The following CDH17 variants were observed in gnomAD, a reference collection of about 807,000 sequenced individuals.
CDH17 encodes the protein cadherin 17, also known as cadherin-17.
CDH17 carries 67 observed loss-of-function variants against 86.3 expected under a neutral mutation model. That is an observed-to-expected ratio of 0.78 (90% CI 0.64 to 0.95). The LOEUF (loss-of-function observed/expected upper bound fraction) is 0.95. CDH17 is among the 40% of genes least tolerant of loss of function. The probability of loss-of-function intolerance (pLI) is 0.00; values close to 1 mark genes in which losing one functional copy is unlikely to be tolerated. For missense variants in CDH17, 993 were observed against 1,017.6 expected (o/e 0.98, Z 0.33); for synonymous variants, 367 against 366.4 (o/e 1.00, Z -0.02).
At chr8:94,206,024 A>T (rs987793707) in intron 1 of CDH17, among the ~76,000 whole-genome samples, 1 of 152,238 alleles carries the variant, frequency 6.6e-6, no homozygotes, top group Non-Finnish European at 1.5e-5. Context: ...AGTAATAAGT[A>T]TATGGTCAAA....
chr8:94,139,893 A>T (rs11776690), intron 15 of CDH17, among the ~76,000 whole-genome samples: 1 of 122,344 alleles, frequency 8.2e-6, no homozygotes, highest in East Asian at 2.2e-4. Flanking sequence ...TCCAAAAAAT[A>T]AAAAATAAAT....
At chr8:94,208,053 GAGA>G (rs2129663291) in intron 1 of CDH17, among the ~76,000 whole-genome samples, 1 of 152,260 alleles carries the variant, frequency 6.6e-6, no homozygotes, top group East Asian at 1.9e-4. Context: ...CTCATTCTCT[GAGA>G]AGTAGATAGA....
At chr8:94,159,883 A>G (rs184473306) in intron 12 of CDH17, 88 bp downstream of exon 12, 1 of 961,158 alleles carries the variant, frequency 1.0e-6, no homozygotes, top group African/African-American at 1.7e-5. Flanking sequence ...CTGCTAATAC[A>G]TCACCTCTGC....
chr8:94,168,108 ATATATATATATATATATATATATAT>A (rs1191090051), intron 9 of CDH17, among the ~76,000 whole-genome samples: 1 of 10,474 alleles, frequency 9.5e-5, no homozygotes, highest in African/African-American at 3.0e-4. Flanking sequence ...ATATATATAT[ATATATATATATATATATATATATAT>A]ATATATATAT....
chr8:94,181,117 A>G lies in CDH17; in HGVS notation c.151-3396T>C, dbSNP rs544102010. Among the ~76,000 whole-genome samples the G allele has an allele frequency of 3.3e-5, 5 of 152,306 alleles. No individual in the cohort carries two copies. The South Asian group carries it at 1.0e-3, about 32-fold the overall frequency. ...AAAATGGGATATTCTATAATGATATAAGGGTCAATCCATCAAGAAACCATA... is the reference window on the plus strand; with the variant it reads ...AAAATGGGATATTCTATAATGATATGAGGGTCAATCCATCAAGAAACCATA... On this transcript the variant is annotated intron_variant, in intron 3 of 17. Transcript: ENST00000027335.
intron 15 of CDH17, among the ~76,000 whole-genome samples, chr8:94,133,851 A>G (rs1812468096): frequency 6.6e-6 from 1 of 152,080 alleles, no homozygotes; most frequent in Admixed American, 6.5e-5. Flanking sequence ...TACTTTATTG[A>G]GAGTTTTTAG....
chr8:94,134,910 C>A (rs927085515), intron 15 of CDH17, among the ~76,000 whole-genome samples: 1 of 152,128 alleles, frequency 6.6e-6, no homozygotes, highest in Non-Finnish European at 1.5e-5. Flanking sequence ...GCCTTCATTT[C>A]GTTATTTATC....
upstream of CDH17, among the ~76,000 whole-genome samples, chr8:94,209,726 T>C (rs1016294726): frequency 6.6e-6 from 1 of 152,166 alleles, no homozygotes; most frequent in African/African-American, 2.4e-5. Flanking sequence ...TAAGCACTTC[T>C]CACATTCTTC....
intron 4 of CDH17, among the ~76,000 whole-genome samples, chr8:94,176,969 T>A (rs569972579): frequency 1.2e-4 from 19 of 152,272 alleles, no homozygotes; most frequent in African/African-American, 4.6e-4. Context: ...CCTGAGAATA[T>A]GAAAGTGTTG....
At chr8:94,183,004 C>T (rs76433761) in intron 3 of CDH17, among the ~76,000 whole-genome samples, 2,423 of 152,048 alleles carry the variant, frequency 0.016, 26 homozygotes, top group Middle Eastern at 0.082. Flanking sequence ...ATTCCATTTA[C>T]AACCACAACA....
intron 3 of CDH17, among the ~76,000 whole-genome samples, chr8:94,186,018 C>T (rs1368313904): frequency 6.6e-6 from 1 of 151,944 alleles, no homozygotes; most frequent in African/African-American, 2.4e-5. Context: ...TTCCATATGG[C>T]TTCATTTATC....
intron 8 of CDH17, 26 bp from the exon 9 acceptor site, chr8:94,170,573 G>T (rs72670354): frequency 0.43 from 687,489 of 1,607,056 alleles, 151,707 homozygotes; most frequent in South Asian, 0.47. Context: ...CAGAGTTAAG[G>T]CAAGACTCAC....
chr8:94,197,064 C>T (rs7845435), intron 1 of CDH17, among the ~76,000 whole-genome samples: 10,042 of 152,188 alleles, frequency 0.066, 1,106 homozygotes, highest in African/African-American at 0.23. Context: ...AAGACCCACT[C>T]GGGCACCCCC....
At chr8:94,159,712 C>A (rs1158592605) in intron 12 of CDH17, among the ~76,000 whole-genome samples, 1 of 152,148 alleles carries the variant, frequency 6.6e-6, no homozygotes, top group Non-Finnish European at 1.5e-5. Context: ...GTTCATCCTG[C>A]ATTTTATATA....
rs747494058 is a variant in CDH17, at chr8:94,170,853, C to T, written c.915+1G>A. Reference sequence around the variant, plus strand: ...CTGTGAAACTCTTCTCTTTTACTCACTGCATCCTTTTCTTCTCGGTCCAAG... The same window carrying T: ...CTGTGAAACTCTTCTCTTTTACTCATTGCATCCTTTTCTTCTCGGTCCAAG... On this transcript the variant is annotated splice_donor_variant, in intron 8 of 17. Coordinates refer to ENST00000027335, the MANE Select transcript of CDH17 (RefSeq NM_004063.4). LOFTEE classifies it high-confidence loss of function. The T allele has an allele frequency of 1.4e-5, 22 of 1,613,224 alleles. No homozygotes were observed. In the South Asian group the frequency reaches 2.3e-4, roughly 17 times the overall value.
chr8:94,210,226 TAAAAAAAAAAAAAA>T (rs71567010), upstream of CDH17, among the ~76,000 whole-genome samples: 1 of 53,434 alleles, frequency 1.9e-5, no homozygotes, highest in Non-Finnish European at 3.3e-5. Flanking sequence ...TTTATGCGAG[TAAAAAAAAAAAAAA>T]AAAAAAAAAA....
chr8:94,130,971 G>T lies in CDH17; in HGVS notation c.2189C>A (p.Thr730Asn), dbSNP rs781743258. ...KINGTHARLS[T>N]RHTEFEEREY... ...CCTCTCCTCAAACTCTGTGTGCCTG[G>T]TAGACAGTCGGGCATGAGTACCTGC... Residue 730 changes from threonine (T) to asparagine (N), a missense_variant, in exon 16 of 18, where the codon ACC (threonine) becomes AAC (asparagine). Coordinates refer to ENST00000027335, the MANE Select transcript of CDH17 (RefSeq NM_004063.4). 1 of 1,597,094 alleles carries T rather than the reference G, an allele frequency of 6.3e-7. No individual in the cohort carries two copies.
chr8:94,212,327 G>A (rs1176303960), upstream of CDH17, among the ~76,000 whole-genome samples: 1 of 151,930 alleles, frequency 6.6e-6, no homozygotes, highest in Non-Finnish European at 1.5e-5. Flanking sequence ...CATTTTTTTT[G>A]TAGAGATGGG....
At chr8:94,209,307 C>T (rs1399286884), upstream of CDH17, among the ~76,000 whole-genome samples, 2 of 152,198 alleles carry the variant, frequency 1.3e-5, no homozygotes, top group Non-Finnish European at 2.9e-5. Flanking sequence ...ACACTTTGGT[C>T]ACTCTGGGAA....
Sources: gnomAD v4.1 joint callset for allele counts (sites outside exome capture counted in the v4.1 genomes callset) on GRCh38, gnomAD v4.1.1 for gene constraint, MANE v1.5 for transcripts, NCBI Gene and HGNC (gene_info 2026-07-23, HGNC 2026-07-21) for gene names.